Variants in CRIM1 observed in about 807,000 individuals in gnomAD.
CRIM1 encodes cysteine-rich motor neuron 1 protein.
Under a neutral mutation model 116.4 loss-of-function variants are expected in CRIM1, and 32 were observed. The observed-to-expected ratio is 0.27, with a 90% confidence interval of 0.21 to 0.37. CRIM1 has a LOEUF of 0.37. Among genes scored for constraint, CRIM1 ranks in the 10% least tolerant of loss-of-function variants. CRIM1 has a pLI of 1.00. For synonymous variants in CRIM1, 590 were observed against 509.2 expected, an observed-to-expected ratio of 1.16 and a Z score of -2.13; for missense variants, 1,331 against 1,354.8, an observed-to-expected ratio of 0.98 and a Z score of 0.28.
At position 36,417,437 on chromosome 2, in the gene CRIM1, C is replaced by T. The variant is rs992764048; in HGVS notation, c.505+20650C>T. On this transcript the variant is annotated intron_variant, in intron 2 of 16. Transcript: ENST00000280527. The stretch of plus-strand genomic sequence containing the variant: ...GGTGGTTCATGGCAGTATTTGGGGC[C>T]TGAAATATGAAATACTGTCATAGCA... 2.6e-5 allele frequency among the ~76,000 whole-genome samples: 4 copies of T among 152,184 alleles called. No homozygotes were observed. The South Asian group carries it at 6.2e-4, about 24-fold the overall frequency.
chr2:36,459,590 G>A (rs1357641378), intron 4 of CRIM1, among the ~76,000 whole-genome samples: 1 of 152,228 alleles, frequency 6.6e-6, no homozygotes, highest in East Asian at 1.9e-4. Flanking sequence ...CTACCGTTAC[G>A]TACTGTTGCA....
intron 13 of CRIM1, among the ~76,000 whole-genome samples, chr2:36,524,009 G>C (rs1044949455): frequency 6.6e-6 from 1 of 152,206 alleles, no homozygotes; most frequent in African/African-American, 2.4e-5. Context: ...GATGGCCAAA[G>C]AGTAATAAAA....
At chr2:36,373,586 G>A (rs369936450) in intron 1 of CRIM1, among the ~76,000 whole-genome samples, 1 of 152,188 alleles carries the variant, frequency 6.6e-6, no homozygotes. Context: ...AAACCGATGG[G>A]GCATTTTGAG....
intron 10 of CRIM1, 28 bp downstream of exon 10, chr2:36,512,422 C>T (rs1664750648): frequency 6.3e-7 from 1 of 1,576,510 alleles, no homozygotes; most frequent in Non-Finnish European, 8.7e-7. Flanking sequence ...GCCCTTCCCC[C>T]TCAAAGCAGC....
intron 10 of CRIM1, 191 bp from the exon 11 acceptor site, chr2:36,513,365 T>TC: frequency 1.8e-6 from 1 of 563,058 alleles, no homozygotes; most frequent in Non-Finnish European, 3.2e-6. Flanking sequence ...CCGGTTTTTT[T>TC]CTCTCTTTTC....
chr2:36,362,066 G>A (rs1669257674), intron 1 of CRIM1, among the ~76,000 whole-genome samples: 1 of 152,020 alleles, frequency 6.6e-6, no homozygotes, highest in Admixed American at 6.6e-5. Flanking sequence ...TAGGGAGCCC[G>A]GGGACCTCTC....
intron 2 of CRIM1, among the ~76,000 whole-genome samples, chr2:36,407,312 C>T (rs1672884689): frequency 6.6e-6 from 1 of 152,042 alleles, no homozygotes; most frequent in Admixed American, 6.6e-5. Flanking sequence ...AATACAAGTA[C>T]ATGTGTTTCA....
At chr2:36,500,979 TAGTC>T in intron 8 of CRIM1, among the ~76,000 whole-genome samples, 1 of 152,220 alleles carries the variant, frequency 6.6e-6, no homozygotes, top group East Asian at 1.9e-4. Context: ...TGGCTCCTGG[TAGTC>T]AGTGCTTTAT....
chr2:36,503,073 G>A (rs1186222877), intron 8 of CRIM1, among the ~76,000 whole-genome samples: 4 of 152,120 alleles, frequency 2.6e-5, no homozygotes, highest in Non-Finnish European at 2.9e-5. Flanking sequence ...TCCCCCATTC[G>A]TATTAGCAAT....
intron 5 of CRIM1, among the ~76,000 whole-genome samples, chr2:36,472,411 C>G (rs967716646): frequency 2.0e-5 from 3 of 152,016 alleles, no homozygotes; most frequent in Non-Finnish European, 2.9e-5. Flanking sequence ...CTTTTTTCAC[C>G]CTTAAAGATT....
At chr2:36,357,100 T>A (rs1244959769) in intron 1 of CRIM1, among the ~76,000 whole-genome samples, 1 of 152,200 alleles carries the variant, frequency 6.6e-6, no homozygotes, top group East Asian at 1.9e-4. Context: ...GAGACGTGTC[T>A]CCAGCTCGCA....
intron 7 of CRIM1, among the ~76,000 whole-genome samples, chr2:36,492,423 G>C (rs942119043): frequency 2.0e-5 from 3 of 152,056 alleles, no homozygotes; most frequent in Admixed American, 6.5e-5. Flanking sequence ...TACACATTCA[G>C]ATGCTACGGA....
intron 7 of CRIM1, among the ~76,000 whole-genome samples, chr2:36,489,502 AGGG>A (rs1046851080): frequency 1.8e-4 from 27 of 152,290 alleles, no homozygotes; most frequent in African/African-American, 6.5e-4. Flanking sequence ...CGAATTCCAC[AGGG>A]GGTGTGTCCC....
At chr2:36,415,379 T>C (rs944894126) in intron 2 of CRIM1, among the ~76,000 whole-genome samples, 1 of 152,170 alleles carries the variant, frequency 6.6e-6, no homozygotes, top group African/African-American at 2.4e-5. Context: ...ATCAGTAAAA[T>C]TGTGAAAATT....
chr2:36,483,889 C>T (rs2125055314), intron 7 of CRIM1, among the ~76,000 whole-genome samples: 1 of 152,194 alleles, frequency 6.6e-6, no homozygotes, highest in Non-Finnish European at 1.5e-5. Flanking sequence ...CCATTGGGAC[C>T]CCTGATCTAC....
intron 2 of CRIM1, among the ~76,000 whole-genome samples, chr2:36,397,371 C>A (rs186381349): frequency 9.9e-5 from 15 of 152,138 alleles, no homozygotes; most frequent in African/African-American, 3.1e-4. Flanking sequence ...TTCATACATA[C>A]AACCAAGAAA....
intron 12 of CRIM1, among the ~76,000 whole-genome samples, 177 bp downstream of exon 12, chr2:36,517,719 A>G (rs150379148): frequency 1.6e-3 from 241 of 152,284 alleles, no homozygotes; most frequent in African/African-American, 5.3e-3. Context: ...TCAACCACCT[A>G]TTTATGCAGT....
intron 5 of CRIM1, among the ~76,000 whole-genome samples, chr2:36,467,214 T>C (rs1464480514): frequency 6.6e-6 from 1 of 152,236 alleles, no homozygotes; most frequent in African/African-American, 2.4e-5. Flanking sequence ...TGAGTGATCT[T>C]TGCTTTCTTC....
chr2:36,524,798 G>A (rs1382531462), intron 13 of CRIM1, among the ~76,000 whole-genome samples: 3 of 152,088 alleles, frequency 2.0e-5, no homozygotes, highest in African/African-American at 7.2e-5. Flanking sequence ...GTAGTATTCT[G>A]TAGTCTTTCT....
Sources: gnomAD v4.1 joint callset for allele counts (sites outside exome capture counted in the v4.1 genomes callset) on GRCh38, gnomAD v4.1.1 for gene constraint, MANE v1.5 for transcripts, NCBI Gene and HGNC (gene_info 2026-07-23, HGNC 2026-07-21) for gene names.